STK11: variants seen among roughly 807,000 people sequenced by gnomAD.
STK11 encodes the protein serine/threonine kinase 11, also known as serine/threonine-protein kinase STK11.
A neutral mutation model predicts 47.3 loss-of-function variants in STK11; 8 were observed. The ratio of observed to expected loss-of-function variants is 0.17; its 90% CI spans 0.10 to 0.31. STK11 has a LOEUF of 0.31. STK11 is among the 10% of genes least tolerant of loss of function. STK11 has a pLI of 1.00. For missense variants in STK11, 475 were observed against 605.0 expected (o/e 0.79, Z 2.25); for synonymous variants, 330 against 255.8 (o/e 1.29, Z -2.77).
intron 3 of STK11, among the ~76,000 whole-genome samples, chr19:1,219,848 T>TAC (rs756737239): frequency 2.6e-5 from 4 of 152,258 alleles, no homozygotes; most frequent in Non-Finnish European, 4.4e-5. Context: ...CCCGGCCTTG[T>TAC]AAAGGCCCAA....
chr19:1,220,949 C>T (rs1034595702), intron 5 of STK11, among the ~76,000 whole-genome samples: 3 of 152,224 alleles, frequency 2.0e-5, no homozygotes, highest in Non-Finnish European at 2.9e-5. Flanking sequence ...GTGGCACGGC[C>T]GACCCTCCTC....
intron 3 of STK11, 31 bp downstream of exon 3, chr19:1,219,444 G>GGGC: frequency 3.8e-6 from 5 of 1,304,764 alleles, no homozygotes; most frequent in Non-Finnish European, 4.3e-6. Context: ...CCAGGGTGGG[G>GGGC]CGGGGGCCGG....
At chr19:1,221,054 C>T (rs1266691009) in intron 5 of STK11, among the ~76,000 whole-genome samples, 159 bp from the exon 6 acceptor site, 1 of 152,164 alleles carries the variant, frequency 6.6e-6, no homozygotes, top group Non-Finnish European at 1.5e-5. Flanking sequence ...CCCGTAGCCT[C>T]CACTAGTGGA....
At chr19:1,223,943 C>CG in intron 8 of STK11, 2 of 1,011,586 alleles carry the variant, frequency 2.0e-6, no homozygotes, top group South Asian at 9.3e-5. Flanking sequence ...ACTGTTTCAG[C>CG]GGGAAGTGGT....
At position 1,221,865 on chromosome 19, in the gene STK11, C is replaced by G. The variant is rs1432360590; in HGVS notation, c.863-84C>G. On this transcript the variant is annotated intron_variant, in intron 6 of 9. Coordinates refer to ENST00000326873, the MANE Select transcript of STK11 (RefSeq NM_000455.5). ...CGTCCAGGTATCACCCAGGGCCTGA[C>G]AACAGAGGCTGGGCAGGCGGGGACG... The G allele has an allele frequency of 2.0e-6, 3 of 1,500,752 alleles. No homozygotes were observed. The African/African-American group carries it at 4.2e-5, about 21-fold the overall frequency. The allele number at this position is 1,500,752 out of a possible 1,614,324, so 93.0% of individuals were successfully genotyped here. A position where few individuals can be genotyped will look rare whatever the true frequency, so the allele number is the denominator to read the frequency against.
intron 1 of STK11, among the ~76,000 whole-genome samples, chr19:1,208,556 C>A (rs1020765556): frequency 2.0e-5 from 3 of 150,288 alleles, no homozygotes; most frequent in African/African-American, 7.4e-5. Flanking sequence ...GATCCGCCCG[C>A]CTCGGCCTCC....
rs1249484867 is a variant in STK11 at position 1,227,657 on chromosome 19, G to T, written c.*81G>T. 9.4e-7 allele frequency: 1 copy of T among 1,068,180 alleles called. No homozygotes were observed. Among genetic ancestry groups the T allele is most frequent in the Non-Finnish European group, 1.1e-6 (1 of 881,090 alleles). The allele number at this position is 1,068,180 out of a possible 1,614,324, so 66.2% of individuals were successfully genotyped here. ...CTCAGTCTTCCTGCCGGTTCCGCCC[G>T]CCCTCCCGGAGAGGTGGCCGCCATG... On this transcript the variant is annotated 3_prime_UTR_variant, in exon 10 of 10. Coordinates refer to ENST00000326873, the MANE Select transcript of STK11 (RefSeq NM_000455.5).
Position 1,219,311 on chromosome 19 carries a change from C to A in STK11, c.375-13C>A. 1 of 1,573,092 alleles carries A rather than the reference C, an allele frequency of 6.4e-7. No homozygotes were observed. The highest frequency in any genetic ancestry group is 2.3e-5 in the East Asian group (1 of 42,564). On this transcript the variant is annotated splice_polypyrimidine_tract_variant and intron_variant, in intron 2 of 9. Coordinates refer to ENST00000326873, the MANE Select transcript of STK11 (RefSeq NM_000455.5). ...GGGGCCGCCCCCTGAGCTGTGTGTC[C>A]TTAGCGCCCCACGTATATGGTGATG...
intron 9 of STK11, 160 bp downstream of exon 9, chr19:1,226,823 G>C: frequency 1.1e-6 from 1 of 893,920 alleles, no homozygotes; most frequent in Non-Finnish European, 1.6e-6. Flanking sequence ...AGCGATCCCC[G>C]TGGAGGGTGC....
At chr19:1,225,360 C>T (rs953055124) in intron 8 of STK11, 1 of 909,922 alleles carries the variant, frequency 1.1e-6, no homozygotes, top group Non-Finnish European at 1.3e-6. Flanking sequence ...GCAACCTCCA[C>T]CTCCCGGATT....
chr19:1,223,854 TC>T (rs2080803155), intron 8 of STK11: 6 of 1,023,266 alleles, frequency 5.9e-6, no homozygotes, highest in Middle Eastern at 9.2e-4. Context: ...CTGGGCCGTG[TC>T]ATAAAGAGTT....
In STK11 at chr19:1,208,532, T is replaced by C. The variant is rs2080685454; in HGVS notation, c.290+1329T>C. ...ACCGTGTTAGCCAGGATGGTCTCAA[T>C]CTCCTGACCTCGTGATCCGCCCGCC... On this transcript the variant is annotated intron_variant, in intron 1 of 9. Coordinates refer to ENST00000326873, the MANE Select transcript of STK11 (RefSeq NM_000455.5). Among the ~76,000 whole-genome samples, 6 of 147,848 alleles carry C rather than the reference T, an allele frequency of 4.1e-5. No homozygotes were observed. In the South Asian group the frequency reaches 1.3e-3, roughly 32 times the overall value.
rs587781180 is a variant in STK11 at position 1,226,673 on chromosome 19, G to A, written c.*16+10G>A. The A allele has an allele frequency of 9.6e-4, 1,430 of 1,487,508 alleles. 2 individuals are homozygous for A. Among genetic ancestry groups the A allele is most frequent in the Non-Finnish European group, 1.2e-3 (1,346 of 1,123,570 alleles). The allele number at this position is 1,487,508 out of a possible 1,614,324, so 92.1% of individuals were successfully genotyped here. ...GGCTGGCCGCCTGCAGGTGGGGCGC[G>A]GCGGGGCCCGGGTGGGGCATGTGGG... is the stretch of plus-strand genomic sequence containing the variant. On this transcript the variant is annotated intron_variant, in intron 9 of 9. Transcript: ENST00000326873.
At chr19:1,216,221 A>G (rs917389005) in intron 1 of STK11, 1 of 166,124 alleles carries the variant, frequency 6.0e-6, no homozygotes, top group Non-Finnish European at 1.3e-5. Context: ...GGTCACCCCA[A>G]AAGCAAGCCC....
In STK11 at chr19:1,223,091, G is replaced by A. The variant is rs368547224; in HGVS notation, c.1027G>A (p.Asp343Asn). ...CATGACTGTGGTGCCGTACTTGGAG[G>A]ACCTGCACGGCGCGGACGAGGACGA... is the stretch of plus-strand genomic sequence containing the variant. ...RSMTVVPYLEDLHGADEDEDL... is the reference protein window; with the variant it reads ...RSMTVVPYLENLHGADEDEDL... The change falls in exon 8 of 10, where the codon GAC becomes AAC. Residue 343 changes from aspartate (D) to asparagine (N), a missense_variant. This residue lies in a region of STK11 where 219 missense variants were observed against 189.2 expected (regional missense o/e 1.16). Coordinates refer to ENST00000326873, the MANE Select transcript of STK11 (RefSeq NM_000455.5). 308 of 1,610,488 alleles carry A rather than the reference G, an allele frequency of 1.9e-4. No homozygotes were observed. The highest frequency in any genetic ancestry group is 2.5e-4 in the Non-Finnish European group (295 of 1,178,976).
intron 5 of STK11, 74 bp from the exon 6 acceptor site, chr19:1,221,139 G>T (rs777880954): frequency 2.1e-5 from 33 of 1,590,514 alleles, no homozygotes; most frequent in Middle Eastern, 1.7e-4. Flanking sequence ...TCTGTCCCTG[G>T]GGTAGAGCTG....
chr19:1,214,396 C>G (rs1170432454), intron 1 of STK11, among the ~76,000 whole-genome samples: 1 of 152,228 alleles, frequency 6.6e-6, no homozygotes, highest in Non-Finnish European at 1.5e-5. Flanking sequence ...TCAGGAGTGC[C>G]TGGGCTCTTC....
Position 1,220,472 on chromosome 19 carries a change from C to A in STK11, c.564C>A (p.Gly188=), listed in dbSNP as rs786201344. ...KPGNLLLTTG[G]TLKISDLGVA... is the part of the protein sequence containing the mutation. ...GGAACCTGCTGCTCACCACCGGTGG[C>A]ACCCTCAAAATCTCCGACCTGGGCG... Residue 188 remains glycine (G), a synonymous_variant, in exon 4 of 10, where the codon GGC becomes GGA. Transcript: ENST00000326873. 1 of 1,607,146 alleles carries A rather than the reference C, an allele frequency of 6.2e-7. No homozygotes were observed.
chr19:1,218,613 C>T lies in STK11; in HGVS notation c.374+113C>T, dbSNP rs375209441. 7.9e-5 allele frequency: 75 copies of T among 944,904 alleles called. 2 individuals carry two copies. In the Middle Eastern group the frequency reaches 8.7e-4, roughly 11 times the overall value. 58.5% of individuals were successfully genotyped at this position (944,904 alleles called of 1,614,324 possible). On this transcript the variant is annotated intron_variant, in intron 2 of 9. Transcript: ENST00000326873. ...CGTCTCCTTGAAGGAGACTGGCACA[C>T]GAGGGCCGTGGCCTTCCCTGGTTCC...
Sources: gnomAD v4.1 joint callset for allele counts (sites outside exome capture counted in the v4.1 genomes callset) on GRCh38, gnomAD v4.1.1 for gene constraint, gnomAD v4.1.1 regional missense constraint, MANE v1.5 for transcripts, NCBI Gene and HGNC (gene_info 2026-07-23, HGNC 2026-07-21) for gene names.